The following CNTN6 variants were observed in gnomAD, a reference collection of about 807,000 sequenced individuals.
CNTN6 encodes the protein contactin 6, also known as contactin-6.
CNTN6 carries 137 observed loss-of-function variants against 122.8 expected under a neutral mutation model. The observed-to-expected ratio is 1.12, with a 90% CI of 0.97 to 1.29. CNTN6 has a LOEUF of 1.29. Among genes scored for constraint, CNTN6 ranks in the 50% most tolerant of loss-of-function variants. The probability of loss-of-function intolerance (pLI) is 0.00; values close to 1 mark genes in which losing one functional copy is unlikely to be tolerated. For missense variants in CNTN6, 1,634 were observed against 1,223.4 expected (o/e 1.34, Z -5.01); for synonymous variants, 570 against 426.0 (o/e 1.34, Z -4.16).
intron 5 of CNTN6, among the ~76,000 whole-genome samples, chr3:1,285,832 G>C (rs1338077167): frequency 1.3e-5 from 2 of 152,126 alleles, no homozygotes; most frequent in Non-Finnish European, 2.9e-5. Context: ...ATAATACAAG[G>C]AGATAACAAG....
chr3:1,333,187 A>G (rs559430281), intron 11 of CNTN6, among the ~76,000 whole-genome samples: 1 of 152,164 alleles, frequency 6.6e-6, no homozygotes, highest in African/African-American at 2.4e-5. Flanking sequence ...AGTATTGCAC[A>G]TAAAGGTTGA....
chr3:1,188,896 T>C lies in CNTN6; in HGVS notation c.56-31791T>C, dbSNP rs1194960162. Among the ~76,000 whole-genome samples the C allele has an allele frequency of 2.6e-5, 4 of 152,190 alleles. No individual in the cohort carries two copies. The South Asian group carries it at 8.3e-4, about 31-fold the overall frequency. ...TGTTTAGGGCTAGGCTGCTTTTTTC[T>C]GTACACATGTGTGATTGCTTATCCG... On this transcript the variant is annotated intron_variant, in intron 2 of 22. Transcript: ENST00000446702.
intron 1 of CNTN6, among the ~76,000 whole-genome samples, chr3:1,094,773 TAGTA>T (rs1359191573): frequency 6.6e-6 from 1 of 151,972 alleles, no homozygotes; most frequent in Non-Finnish European, 1.5e-5. Flanking sequence ...GTTTTTTTTT[TAGTA>T]AGTAAAAATG....
Position 1,295,774 on chromosome 3 carries a change from C to A in CNTN6, c.628C>A (p.Pro210Thr). 1 of 1,613,922 alleles carries A rather than the reference C, an allele frequency of 6.2e-7. No individual in the cohort carries two copies. Among genetic ancestry groups the A allele is most frequent in the Non-Finnish European group, 8.5e-7 (1 of 1,179,836 alleles). ...AGAGGCCCAGAGAAGTGTTCAAGGT[C>A]CACCCACTCCATTAGTGCAGCGCAC... ...NKEAQRSVQGPPTPLVQRTDG... is the reference protein window; with the variant it reads ...NKEAQRSVQGTPTPLVQRTDG... The change falls in exon 6 of 23, where the codon CCA becomes ACA. Residue 210 changes from proline to threonine, a missense_variant. Physicochemically the swap from Pro to Thr is conservative, Grantham distance 38. Transcript: ENST00000446702.
intron 4 of CNTN6, among the ~76,000 whole-genome samples, chr3:1,269,732 A>G (rs964730876): frequency 1.4e-4 from 21 of 152,168 alleles, no homozygotes; most frequent in African/African-American, 5.1e-4. Context: ...TGAAAACTTA[A>G]GTGCTGGGCT....
chr3:1,388,870 A>G (rs1693628157), intron 20 of CNTN6, among the ~76,000 whole-genome samples: 1 of 140,730 alleles, frequency 7.1e-6, no homozygotes, highest in African/African-American at 2.7e-5. Flanking sequence ...AGAAAAAAGA[A>G]TAAAAAGAAA....
chr3:1,371,176 A>G (rs2126135236), intron 12 of CNTN6, among the ~76,000 whole-genome samples: 1 of 152,268 alleles, frequency 6.6e-6, no homozygotes, highest in South Asian at 2.1e-4. Context: ...GTGAACATAT[A>G]AATGCAATCT....
At chr3:1,127,479 C>T (rs181575448) in intron 1 of CNTN6, among the ~76,000 whole-genome samples, 19 of 151,680 alleles carry the variant, frequency 1.3e-4, no homozygotes, top group African/African-American at 1.9e-4. Context: ...TACATGTAAA[C>T]GCATAGACCT....
Position 1,402,505 on chromosome 3 carries a change from G to A in CNTN6, c.2986+19G>A. 3.1e-6 allele frequency: 5 copies of A among 1,593,634 alleles called. No individual in the cohort carries two copies. Among genetic ancestry groups the A allele is most frequent in the Non-Finnish European group, 4.3e-6 (5 of 1,165,302 alleles). On this transcript the variant is annotated intron_variant, in intron 22 of 22. Coordinates refer to ENST00000446702, the MANE Select transcript of CNTN6 (RefSeq NM_001289080.2). ...ATGTCAAGTAAGTTGAGTCACCATT[G>A]CTGTAGTAGATTCTGAACCTAGACA...
At position 1,211,647 on chromosome 3, in the gene CNTN6, C is replaced by T. The variant is rs893851624; in HGVS notation, c.56-9040C>T. ...TTCTCTCCATCATTCTGTTCCCCCC[C>T]ACCCTCTCTCTCTATCATCTACTTA... On this transcript the variant is annotated intron_variant, in intron 2 of 22. Coordinates refer to ENST00000446702, the MANE Select transcript of CNTN6 (RefSeq NM_001289080.2). Among the ~76,000 whole-genome samples, 3 of 152,110 alleles carry T rather than the reference C, an allele frequency of 2.0e-5. No homozygotes were observed. In the South Asian group the frequency reaches 6.2e-4, roughly 32 times the overall value.
At chr3:1,290,917 G>A (rs182876569) in intron 5 of CNTN6, among the ~76,000 whole-genome samples, 2 of 152,036 alleles carry the variant, frequency 1.3e-5, no homozygotes, top group South Asian at 2.1e-4. Flanking sequence ...AGGTCTTTAC[G>A]ATCTGTATCT....
intron 20 of CNTN6, among the ~76,000 whole-genome samples, chr3:1,388,423 A>AT (rs1300345914): frequency 1.3e-5 from 2 of 151,328 alleles, no homozygotes; most frequent in Non-Finnish European, 1.5e-5. Flanking sequence ...CATCACCATC[A>AT]TCAAAGACCA....
chr3:1,145,234 A>G (rs1402353406), intron 1 of CNTN6, among the ~76,000 whole-genome samples: 1 of 152,202 alleles, frequency 6.6e-6, no homozygotes, highest in Non-Finnish European at 1.5e-5. Context: ...GAGATTATAC[A>G]CTTTTTCTGA....
Position 1,120,075 on chromosome 3 carries a change from C to G in CNTN6, c.-83+26955C>G, listed in dbSNP as rs1357296210. Among the ~76,000 whole-genome samples the G allele has an allele frequency of 2.6e-5, 4 of 152,048 alleles. No individual in the cohort carries two copies. The South Asian group carries it at 6.2e-4, about 24-fold the overall frequency. ...ATCACTACCTTTTTCCTTTTTATTG[C>G]TGAGTAGTATTCCATATGCCACAAT... On this transcript the variant is annotated intron_variant, in intron 1 of 22. Coordinates refer to ENST00000446702, the MANE Select transcript of CNTN6 (RefSeq NM_001289080.2).
chr3:1,227,967 G>A lies in CNTN6; in HGVS notation c.332G>A (p.Ser111Asn), dbSNP rs768161498. The change falls in exon 4 of 23, where the codon AGT becomes AAT. Residue 111 changes from serine (S) to asparagine (N), a missense_variant. Physicochemically the swap from Ser to Asn is conservative, Grantham distance 46 (BLOSUM62 1). Transcript: ENST00000446702. Reference sequence around the variant, plus strand: ...ACCAATCTTCTGGGGACAATTCTGAGTCGGAAGGCAAAGCTCCAATTTGCA... The same window carrying A: ...ACCAATCTTCTGGGGACAATTCTGAATCGGAAGGCAAAGCTCCAATTTGCA... Reference protein sequence around the residue: ...LATNLLGTILSRKAKLQFAYI... With the variant: ...LATNLLGTILNRKAKLQFAYI... 1.5e-5 allele frequency: 24 copies of A among 1,613,390 alleles called. No individual in the cohort carries two copies. Among genetic ancestry groups the A allele is most frequent in the Non-Finnish European group, 2.0e-5 (24 of 1,179,776 alleles).
At chr3:1,294,339 A>G (rs1269016095) in intron 5 of CNTN6, among the ~76,000 whole-genome samples, 1 of 152,222 alleles carries the variant, frequency 6.6e-6, no homozygotes. Context: ...GAAAGAATTC[A>G]GACATAAAAT....
intron 11 of CNTN6, among the ~76,000 whole-genome samples, chr3:1,338,823 A>T (rs9853405): frequency 0.045 from 6,899 of 152,242 alleles, 212 homozygotes; most frequent in African/African-American, 0.059. Flanking sequence ...TTACTTGATA[A>T]ATTTTAAAGT....
intron 4 of CNTN6, among the ~76,000 whole-genome samples, chr3:1,274,341 T>G (rs148201038): frequency 6.6e-6 from 1 of 152,114 alleles, no homozygotes; most frequent in East Asian, 1.9e-4. Context: ...GGAAGCATAT[T>G]TGATGTAAAT....
At chr3:1,387,902 G>C (rs1017587453) in intron 20 of CNTN6, among the ~76,000 whole-genome samples, 4 of 152,176 alleles carry the variant, frequency 2.6e-5, no homozygotes, top group Admixed American at 6.5e-5. Context: ...ACCCGGCTCG[G>C]AGGGTCCTAC....
Sources: gnomAD v4.1 joint callset for allele counts (sites outside exome capture counted in the v4.1 genomes callset) on GRCh38, gnomAD v4.1.1 for gene constraint, MANE v1.5 for transcripts, NCBI Gene and HGNC (gene_info 2026-07-23, HGNC 2026-07-21) for gene names.